The following MGAT4A variants were observed in gnomAD, a reference collection of about 807,000 sequenced individuals.
MGAT4A encodes N-acetylglucosaminyltransferase IVa.
Under a neutral mutation model 74.1 loss-of-function variants are expected in MGAT4A, and 33 were observed. The ratio of observed to expected loss-of-function variants is 0.45; its 90% CI spans 0.34 to 0.60. The LOEUF (loss-of-function observed/expected upper bound fraction) is 0.60, where lower values mean the gene tolerates loss of function less well. Among genes scored for constraint, MGAT4A ranks in the 20% least tolerant of loss-of-function variants. MGAT4A has a pLI of 0.02. For synonymous variants in MGAT4A, 198 were observed against 210.4 expected (o/e 0.94, Z 0.51); for missense variants, 479 against 628.3 (o/e 0.76, Z 2.54).
At chr2:98,729,899 T>C (rs1702820188) in intron 1 of MGAT4A, among the ~76,000 whole-genome samples, 1 of 152,198 alleles carries the variant, frequency 6.6e-6, no homozygotes, top group Non-Finnish European at 1.5e-5. Flanking sequence ...CAAAATTCAT[T>C]TATTTGCCAT....
intron 2 of MGAT4A, among the ~76,000 whole-genome samples, chr2:98,717,943 G>A (rs139033205): frequency 4.6e-5 from 7 of 152,288 alleles, no homozygotes; most frequent in South Asian, 2.1e-4. Context: ...TCCTTATATC[G>A]TATTTGAAAG....
chr2:98,680,874 T>G (rs970957974), intron 2 of MGAT4A, among the ~76,000 whole-genome samples: 3 of 152,242 alleles, frequency 2.0e-5, no homozygotes, highest in Non-Finnish European at 4.4e-5. Flanking sequence ...AAGTCTATAA[T>G]AGAATCAATA....
At position 98,650,858 on chromosome 2, in the gene MGAT4A, G is replaced by A. The variant is rs188563052; in HGVS notation, c.774+4587C>T. On this transcript the variant is annotated intron_variant, in intron 8 of 15. Transcript: ENST00000393487. ...CCTAGCTACTCGGGAAGCTGAGGCA[G>A]AATGGCGTGAACCCGGAAGGTGGAG... Among the ~76,000 whole-genome samples, 790 of 152,252 alleles carry A rather than the reference G, an allele frequency of 5.2e-3. 10 individuals are homozygous for A. The highest frequency in any genetic ancestry group is 0.018 in the African/African-American group (749 of 41,526).
At chr2:98,718,532 C>T (rs536716764) in intron 2 of MGAT4A, among the ~76,000 whole-genome samples, 4 of 152,178 alleles carry the variant, frequency 2.6e-5, no homozygotes, top group Admixed American at 2.6e-4. Flanking sequence ...TCATTCCCCC[C>T]TCTTTTCTCC....
At chr2:98,687,554 C>T (rs957926682) in intron 2 of MGAT4A, among the ~76,000 whole-genome samples, 3 of 152,098 alleles carry the variant, frequency 2.0e-5, no homozygotes, top group Non-Finnish European at 4.4e-5. Context: ...CACCTTCCCC[C>T]TCCTAATATT....
rs1466456483 is a variant in MGAT4A at position 98,658,338 on chromosome 2, TTAAA to T, written c.538-78_538-75del. The stretch of plus-strand genomic sequence containing the variant: ...TTAACTGTTAATACTGAACTCGAAA[TTAAA>T]TGAATGATAAAAACATTCATTAAAA... On this transcript the variant is annotated intron_variant, in intron 5 of 15. Coordinates refer to ENST00000393487, the MANE Select transcript of MGAT4A (RefSeq NM_012214.3). The T allele has an allele frequency of 8.9e-6, 7 of 782,872 alleles. No homozygotes were observed. The African/African-American group carries it at 1.1e-4, about 12-fold the overall frequency. The allele number at this position is 782,872 out of a possible 1,614,324, so 48.5% of individuals were successfully genotyped here. A position where few individuals can be genotyped will look rare whatever the true frequency, so the allele number is the denominator to read the frequency against.
chr2:98,680,040 CTT>C (rs778595164), intron 2 of MGAT4A, among the ~76,000 whole-genome samples: 3 of 131,024 alleles, frequency 2.3e-5, no homozygotes, highest in East Asian at 2.1e-4. Context: ...CTTAGAAAGG[CTT>C]TTTTTTTTTT....
In MGAT4A at chr2:98,625,354, A is replaced by T. The variant is rs894113623; in HGVS notation, c.*212T>A. 4 of 1,353,174 alleles carry T rather than the reference A, an allele frequency of 3.0e-6. No individual in the cohort carries two copies. The Admixed American group carries it at 1.4e-4, about 48-fold the overall frequency. The allele number at this position is 1,353,174 out of a possible 1,614,324, so 83.8% of individuals were successfully genotyped here. On this transcript the variant is annotated 3_prime_UTR_variant, in exon 16 of 16. Coordinates refer to ENST00000393487, the MANE Select transcript of MGAT4A (RefSeq NM_012214.3). ...ATTAACAGGCTGTCATAATTGAAAA[A>T]TGTTTGAGTCAAGTTAAAATCTGAG...
intron 2 of MGAT4A, among the ~76,000 whole-genome samples, chr2:98,707,319 G>C (rs1265759007): frequency 6.6e-6 from 1 of 152,086 alleles, no homozygotes; most frequent in Non-Finnish European, 1.5e-5. Context: ...GGGGTAGGGT[G>C]GCATGCAGGC....
At chr2:98,636,485 T>C (rs909802805) in intron 13 of MGAT4A, 32 bp downstream of exon 13, 2 of 1,519,662 alleles carry the variant, frequency 1.3e-6, no homozygotes, top group Admixed American at 1.7e-5. Context: ...TATTAGTTGT[T>C]AGGGAAAGGT....
At chr2:98,631,232 C>A (rs895240598) in intron 14 of MGAT4A, among the ~76,000 whole-genome samples, 1 of 152,254 alleles carries the variant, frequency 6.6e-6, no homozygotes, top group African/African-American at 2.4e-5. Flanking sequence ...TGATGGTCTA[C>A]TGTTCTTGCC....
chr2:98,625,534 C>A lies in MGAT4A; in HGVS notation c.*32G>T. ...CTTAACTATCTTTAATTAACAAATT[C>A]ACAGGAAAAAATGTGTTGGTTTCTC... is the stretch of plus-strand genomic sequence containing the variant. On this transcript the variant is annotated 3_prime_UTR_variant, in exon 16 of 16. Coordinates refer to ENST00000393487, the MANE Select transcript of MGAT4A (RefSeq NM_012214.3). The A allele has an allele frequency of 6.3e-7, 1 of 1,599,940 alleles. No homozygotes were observed. The highest frequency in any genetic ancestry group is 1.4e-5 in the African/African-American group (1 of 73,932).
chr2:98,643,033 A>G (rs1455440893), intron 10 of MGAT4A, among the ~76,000 whole-genome samples: 1 of 152,210 alleles, frequency 6.6e-6, no homozygotes, highest in African/African-American at 2.4e-5. Context: ...TCTTACAGTA[A>G]TACTTATCAT....
At chr2:98,723,015 T>C (rs938026071) in intron 2 of MGAT4A, among the ~76,000 whole-genome samples, 3 of 152,166 alleles carry the variant, frequency 2.0e-5, no homozygotes, top group African/African-American at 7.2e-5. Flanking sequence ...TTCCACATAA[T>C]TGGAAATCTG....
chr2:98,724,790 C>CA (rs753708649), intron 2 of MGAT4A, among the ~76,000 whole-genome samples: 5,532 of 138,690 alleles, frequency 0.04, 130 homozygotes, highest in Middle Eastern at 0.076. Context: ...AAGTTTCCTA[C>CA]AAAAAAAAAA....
chr2:98,664,674 C>T (rs140223678), intron 4 of MGAT4A, among the ~76,000 whole-genome samples: 2 of 152,288 alleles, frequency 1.3e-5, no homozygotes, highest in Non-Finnish European at 2.9e-5. Flanking sequence ...AATCTCAGGG[C>T]TTTTTCAAGA....
intron 8 of MGAT4A, among the ~76,000 whole-genome samples, chr2:98,650,390 A>T (rs1299174014): frequency 6.6e-6 from 1 of 152,200 alleles, no homozygotes; most frequent in Admixed American, 6.5e-5. Context: ...ACAAATTCAA[A>T]AAGTTCAAAG....
At chr2:98,690,367 G>A (rs1051949299) in intron 2 of MGAT4A, among the ~76,000 whole-genome samples, 4 of 152,116 alleles carry the variant, frequency 2.6e-5, no homozygotes, top group African/African-American at 7.2e-5. Context: ...TAGCAAGTGT[G>A]GCATCAGCAC....
intron 2 of MGAT4A, among the ~76,000 whole-genome samples, chr2:98,680,749 T>C (rs1403776138): frequency 1.3e-5 from 2 of 152,134 alleles, no homozygotes; most frequent in Non-Finnish European, 2.9e-5. Context: ...ATTCACAATA[T>C]AAGAAATGTG....
Sources: gnomAD v4.1 joint callset for allele counts (sites outside exome capture counted in the v4.1 genomes callset) on GRCh38, gnomAD v4.1.1 for gene constraint, MANE v1.5 for transcripts, NCBI Gene and HGNC (gene_info 2026-07-23, HGNC 2026-07-21) for gene names.